The following ERBB4 variants were observed in gnomAD, a reference collection of about 807,000 sequenced individuals.
The protein encoded by ERBB4 is erb-b2 receptor tyrosine kinase 4.
A neutral mutation model predicts 158.0 loss-of-function variants in ERBB4; 42 were observed. The ratio of observed to expected loss-of-function variants is 0.27; its 90% CI spans 0.21 to 0.34. ERBB4 has a LOEUF of 0.34. Ranked by LOEUF, ERBB4 falls within the 10% of genes least tolerant of loss-of-function variation. ERBB4 has a pLI of 1.00. For synonymous variants in ERBB4, 583 were observed against 558.7 expected, an observed-to-expected ratio of 1.04 and a Z score of -0.61; for missense variants, 1,333 against 1,624.1, an observed-to-expected ratio of 0.82 and a Z score of 3.08.
rs559985919 is a variant in ERBB4, at chr2:211,405,325, T to C, written c.3135+15116A>G. Among the ~76,000 whole-genome samples, 3 of 152,288 alleles carry C rather than the reference T, an allele frequency of 2.0e-5. No individual in the cohort carries two copies. In the East Asian group the frequency reaches 5.8e-4, roughly 29 times the overall value. On this transcript the variant is annotated intron_variant, in intron 25 of 27. Coordinates refer to ENST00000342788, the MANE Select transcript of ERBB4 (RefSeq NM_005235.3). ...ATTTCAGGTTCAATAAAATTGTATCTAATGCTCAAGGGACAGAGAAACTTC... is the reference window on the plus strand; with the variant it reads ...ATTTCAGGTTCAATAAAATTGTATCCAATGCTCAAGGGACAGAGAAACTTC...
chr2:211,577,597 G>T (rs540252354), intron 19 of ERBB4, among the ~76,000 whole-genome samples: 1 of 152,112 alleles, frequency 6.6e-6, no homozygotes, highest in South Asian at 2.1e-4. Context: ...GAAGCAAATT[G>T]AAAAGCTTAT....
At chr2:212,245,396 A>G (rs532050343) in intron 1 of ERBB4, among the ~76,000 whole-genome samples, 1 of 152,262 alleles carries the variant, frequency 6.6e-6, no homozygotes, top group South Asian at 2.1e-4. Flanking sequence ...GTTTTGAAAA[A>G]TAATTTTGAT....
chr2:211,411,685 T>C (rs1341796104), intron 25 of ERBB4, among the ~76,000 whole-genome samples: 1 of 152,192 alleles, frequency 6.6e-6, no homozygotes, highest in Non-Finnish European at 1.5e-5. Flanking sequence ...TCAACTGGAA[T>C]GACCAAGGCA....
chr2:212,136,985 T>C (rs960290054), intron 1 of ERBB4, among the ~76,000 whole-genome samples: 3 of 152,022 alleles, frequency 2.0e-5, no homozygotes, highest in Admixed American at 2.0e-4. Flanking sequence ...GATACTAATA[T>C]AGACTAGATT....
intron 6 of ERBB4, 135 bp from the exon 7 acceptor site, chr2:211,722,669 T>A (rs1379111400): frequency 2.1e-6 from 2 of 959,868 alleles, no homozygotes; most frequent in Admixed American, 4.9e-5. Context: ...TTAAGAGTCA[T>A]GTGTGTTTCC....
At chr2:211,395,109 A>G (rs1302575441) in intron 25 of ERBB4, among the ~76,000 whole-genome samples, 2 of 152,082 alleles carry the variant, frequency 1.3e-5, no homozygotes, top group Non-Finnish European at 2.9e-5. Flanking sequence ...AGTATCTTAT[A>G]AAGTTTTCTC....
chr2:211,499,986 C>A (rs915065442), intron 20 of ERBB4, among the ~76,000 whole-genome samples: 4 of 152,096 alleles, frequency 2.6e-5, no homozygotes, highest in African/African-American at 7.2e-5. Context: ...ATGTACCCTA[C>A]TAGTGAGTGA....
chr2:211,770,118 C>T (rs1016376319), intron 4 of ERBB4, among the ~76,000 whole-genome samples: 4 of 152,178 alleles, frequency 2.6e-5, no homozygotes, highest in African/African-American at 7.2e-5. Flanking sequence ...TGCAAATTCT[C>T]ATATAGCAGG....
intron 5 of ERBB4, among the ~76,000 whole-genome samples, chr2:211,728,162 A>G (rs1236552383): frequency 6.6e-6 from 1 of 151,546 alleles, no homozygotes; most frequent in African/African-American, 2.4e-5. Flanking sequence ...ATGAACCTTC[A>G]TCTTCTTTTT....
intron 2 of ERBB4, among the ~76,000 whole-genome samples, chr2:212,059,611 C>G (rs2077696602): frequency 6.6e-6 from 1 of 152,152 alleles, no homozygotes; most frequent in Admixed American, 6.5e-5. Context: ...ACCAATGGAA[C>G]AGAACAGAGC....
chr2:211,966,637 A>G, intron 2 of ERBB4, among the ~76,000 whole-genome samples: 1 of 152,214 alleles, frequency 6.6e-6, no homozygotes, highest in East Asian at 1.9e-4. Context: ...ACTCTACTTT[A>G]TACTGGTGTT....
At chr2:211,998,318 C>A (rs1405440517) in intron 2 of ERBB4, among the ~76,000 whole-genome samples, 1 of 151,608 alleles carries the variant, frequency 6.6e-6, no homozygotes, top group Non-Finnish European at 1.5e-5. Context: ...CTTTAATCAA[C>A]TGTTGAATTT....
intron 3 of ERBB4, among the ~76,000 whole-genome samples, chr2:211,832,182 T>G (rs1333767062): frequency 6.6e-6 from 1 of 152,152 alleles, no homozygotes; most frequent in Non-Finnish European, 1.5e-5. Context: ...TCAGTAAATA[T>G]TAACTATTAT....
intron 16 of ERBB4, among the ~76,000 whole-genome samples, chr2:211,631,663 C>G (rs887858884): frequency 2.6e-5 from 4 of 152,052 alleles, no homozygotes; most frequent in African/African-American, 4.8e-5. Context: ...TAGAGTAGAG[C>G]AGTATCTCTG....
chr2:212,081,483 C>A (rs1285470737), intron 2 of ERBB4, among the ~76,000 whole-genome samples: 2 of 152,084 alleles, frequency 1.3e-5, no homozygotes, highest in African/African-American at 2.4e-5. Flanking sequence ...TCAAGGGTAC[C>A]AATCACAATA....
chr2:211,540,535 T>C (rs1197100588), intron 20 of ERBB4, among the ~76,000 whole-genome samples: 1 of 151,466 alleles, frequency 6.6e-6, no homozygotes, highest in Non-Finnish European at 1.5e-5. Context: ...TGTTTTTTGG[T>C]GTTTTTTTGT....
rs559430653 is a variant in ERBB4, at chr2:211,575,045, G to A, written c.2302-12957C>T. On this transcript the variant is annotated intron_variant, in intron 19 of 27. Transcript: ENST00000342788. ...ACTGATAGCAAGACACATTTAAAAG[G>A]GATAAACCATTTGCCATGATTCTAA... Among the ~76,000 whole-genome samples the A allele has an allele frequency of 3.1e-3, 479 of 152,212 alleles. 3 individuals are homozygous for A. Among genetic ancestry groups the A allele is most frequent in the Non-Finnish European group, 2.6e-3 (179 of 68,014 alleles).
At chr2:211,678,172 C>T (rs1480936451) in intron 13 of ERBB4, among the ~76,000 whole-genome samples, 1 of 151,920 alleles carries the variant, frequency 6.6e-6, no homozygotes, top group Admixed American at 6.5e-5. Flanking sequence ...TGGCAGAACA[C>T]TTTCAAAACC....
intron 1 of ERBB4, among the ~76,000 whole-genome samples, chr2:212,217,172 G>C (rs1469004827): frequency 6.6e-6 from 1 of 151,262 alleles, no homozygotes; most frequent in Non-Finnish European, 1.5e-5. Context: ...AGTGAAAAAG[G>C]CAATGGATAC....
Sources: gnomAD v4.1 joint callset for allele counts (sites outside exome capture counted in the v4.1 genomes callset) on GRCh38, gnomAD v4.1.1 for gene constraint, MANE v1.5 for transcripts, NCBI Gene and HGNC (gene_info 2026-07-23, HGNC 2026-07-21) for gene names.